NRXN1: variants seen among roughly 807,000 people sequenced by gnomAD.
NRXN1 encodes neurexin 1.
In NRXN1, 39 loss-of-function variants were observed where a neutral mutation model predicts 150.9. The observed-to-expected ratio is 0.26, with a 90% CI of 0.20 to 0.34. NRXN1 has a LOEUF of 0.34. Ranked by LOEUF, NRXN1 falls within the 10% of genes least tolerant of loss-of-function variation. The pLI is 1.00. For missense variants in NRXN1, 1,815 were observed against 1,949.9 expected, an observed-to-expected ratio of 0.93 and a Z score of 1.30; for synonymous variants, 924 against 757.0, an observed-to-expected ratio of 1.22 and a Z score of -3.62.
At chr2:50,375,195 C>T (rs1053554205) in intron 17 of NRXN1, among the ~76,000 whole-genome samples, 6 of 152,062 alleles carry the variant, frequency 3.9e-5, no homozygotes, top group African/African-American at 1.4e-4. Context: ...AGGAAAGTTG[C>T]ATGCTTTCTC....
At chr2:50,889,220 G>C (rs1184641582) in intron 5 of NRXN1, among the ~76,000 whole-genome samples, 1 of 151,636 alleles carries the variant, frequency 6.6e-6, no homozygotes, top group Non-Finnish European at 1.5e-5. Context: ...ACTTGAAATT[G>C]GCTTATATCA....
chr2:50,689,672 C>G lies in NRXN1; in HGVS notation c.833-66057G>C, dbSNP rs145204947. On this transcript the variant is annotated intron_variant, in intron 5 of 22. Coordinates refer to ENST00000401669, the MANE Select transcript of NRXN1 (RefSeq NM_001330078.2). ...TAGCAAAAGAGGGAGTTCTTTCCAT[C>G]TCTGTGTTCTCCAAAAGTGTCTAGA... 6.2e-3 allele frequency among the ~76,000 whole-genome samples: 943 copies of G among 152,274 alleles called. 5 individuals are homozygous for G. Among genetic ancestry groups the G allele is most frequent in the Middle Eastern group, 0.027 (8 of 294 alleles).
chr2:50,063,207 C>T (rs1362147658), intron 19 of NRXN1, among the ~76,000 whole-genome samples: 1 of 152,136 alleles, frequency 6.6e-6, no homozygotes, highest in Non-Finnish European at 1.5e-5. Flanking sequence ...TACCATAATG[C>T]CTCACTTGGC....
chr2:50,483,676 A>G (rs1002468379), intron 15 of NRXN1, among the ~76,000 whole-genome samples: 3 of 152,192 alleles, frequency 2.0e-5, no homozygotes, highest in African/African-American at 7.2e-5. Context: ...CAATACAAGA[A>G]TAATAATGCC....
intron 8 of NRXN1, among the ~76,000 whole-genome samples, chr2:50,568,022 G>A (rs933912161): frequency 6.6e-6 from 1 of 152,044 alleles, no homozygotes; most frequent in East Asian, 1.9e-4. Context: ...AAGAAACTGA[G>A]CTCACATAGT....
chr2:50,053,905 A>G lies in NRXN1; in HGVS notation c.3809-315T>C, dbSNP rs1250090864. On this transcript the variant is annotated intron_variant, in intron 20 of 22. Transcript: ENST00000401669. ...AAGATCTTATATTGTTGGTGTCTAAAGTCTAAATTGTTAAATTTTAAAAAT... is the reference window on the plus strand; with the variant it reads ...AAGATCTTATATTGTTGGTGTCTAAGGTCTAAATTGTTAAATTTTAAAAAT... Among the ~76,000 whole-genome samples the G allele has an allele frequency of 2.0e-5, 3 of 152,226 alleles. No homozygotes were observed. In the East Asian group the frequency reaches 5.8e-4, roughly 29 times the overall value.
chr2:50,657,297 T>C (rs568729943), intron 5 of NRXN1, among the ~76,000 whole-genome samples: 39 of 152,144 alleles, frequency 2.6e-4, no homozygotes, highest in African/African-American at 8.9e-4. Context: ...CTCTCCAACA[T>C]GTTATTCACT....
chr2:50,630,353 GT>G (rs1300906251), intron 5 of NRXN1, among the ~76,000 whole-genome samples: 6 of 151,604 alleles, frequency 4.0e-5, no homozygotes, highest in African/African-American at 7.3e-5. Context: ...GAAAAAAAAT[GT>G]TAAACAAAGA....
intron 5 of NRXN1, among the ~76,000 whole-genome samples, chr2:50,890,946 G>A (rs1188718839): frequency 2.0e-5 from 3 of 151,900 alleles, no homozygotes; most frequent in Non-Finnish European, 2.9e-5. Flanking sequence ...GATATTTAAT[G>A]CCTTAACCAA....
chr2:50,333,982 T>C (rs1330838863), intron 17 of NRXN1, among the ~76,000 whole-genome samples: 1 of 151,852 alleles, frequency 6.6e-6, no homozygotes. Context: ...CTTTTAACAG[T>C]GAGGATATTA....
At chr2:50,172,354 A>C (rs1329320564) in intron 18 of NRXN1, among the ~76,000 whole-genome samples, 1 of 152,258 alleles carries the variant, frequency 6.6e-6, no homozygotes, top group African/African-American at 2.4e-5. Flanking sequence ...TGAGCCTAAC[A>C]ACAAAAAAGA....
chr2:51,014,302 G>A (rs1271963142), intron 2 of NRXN1, among the ~76,000 whole-genome samples: 2 of 152,044 alleles, frequency 1.3e-5, no homozygotes, highest in African/African-American at 2.4e-5. Flanking sequence ...TGCAAAGAAC[G>A]AGGATTGGAA....
chr2:51,025,423 C>A (rs183210907), intron 2 of NRXN1, among the ~76,000 whole-genome samples: 17 of 152,210 alleles, frequency 1.1e-4, no homozygotes, highest in African/African-American at 4.1e-4. Context: ...CTTAACTGTT[C>A]CTGATTATGC....
chr2:50,157,540 C>A (rs183173239), intron 18 of NRXN1, among the ~76,000 whole-genome samples: 139 of 152,096 alleles, frequency 9.1e-4, no homozygotes, highest in African/African-American at 3.3e-3. Flanking sequence ...AGGACTTACA[C>A]ACTCAGAGGC....
At chr2:50,914,508 T>C (rs755905418) in intron 5 of NRXN1, among the ~76,000 whole-genome samples, 1 of 151,640 alleles carries the variant, frequency 6.6e-6, no homozygotes, top group South Asian at 2.1e-4. Context: ...TAAAGAAATA[T>C]TCATTTAAGA....
intron 21 of NRXN1, among the ~76,000 whole-genome samples, chr2:49,977,055 C>T (rs1449472413): frequency 6.6e-6 from 1 of 152,060 alleles, no homozygotes; most frequent in East Asian, 1.9e-4. Flanking sequence ...TGTTTCCTCC[C>T]CAGAAGCAGC....
chr2:50,781,491 T>TGAAG (rs1377202498), intron 5 of NRXN1, among the ~76,000 whole-genome samples: 2 of 152,134 alleles, frequency 1.3e-5, no homozygotes, highest in African/African-American at 4.8e-5. Flanking sequence ...AAAGATTTTG[T>TGAAG]GAAGGAAGGA....
chr2:50,354,658 G>A (rs969214151), intron 17 of NRXN1, among the ~76,000 whole-genome samples: 1 of 148,966 alleles, frequency 6.7e-6, no homozygotes, highest in African/African-American at 2.5e-5. Context: ...ATGGTAGGGA[G>A]AAAATAAATC....
intron 19 of NRXN1, among the ~76,000 whole-genome samples, chr2:50,072,836 G>A (rs910092986): frequency 2.6e-5 from 4 of 152,124 alleles, no homozygotes; most frequent in African/African-American, 4.8e-5. Context: ...AGTGGATGAC[G>A]GCATCAGCTG....
Sources: allele counts gnomAD v4.1 joint callset (sites outside exome capture counted in the v4.1 genomes callset), GRCh38; gene constraint gnomAD v4.1.1; transcripts MANE v1.5; gene names NCBI Gene and HGNC (gene_info 2026-07-23, HGNC 2026-07-21).